PGAP1: variants seen among roughly 807,000 people sequenced by gnomAD.
PGAP1 encodes the protein GPI inositol-deacylase.
PGAP1 carries 76 observed loss-of-function variants against 127.0 expected under a neutral mutation model. The observed-to-expected ratio is 0.60, with a 90% CI of 0.50 to 0.72. PGAP1 has a LOEUF of 0.72. PGAP1 is among the 30% of genes least tolerant of loss of function. The pLI is 0.00. For missense variants in PGAP1, 982 were observed against 1,071.3 expected, an observed-to-expected ratio of 0.92 and a Z score of 1.16; for synonymous variants, 362 against 366.5, an observed-to-expected ratio of 0.99 and a Z score of 0.14.
chr2:196,887,480 C>T (rs1320479022), intron 10 of PGAP1, among the ~76,000 whole-genome samples: 2 of 152,188 alleles, frequency 1.3e-5, no homozygotes, highest in Admixed American at 1.3e-4. Flanking sequence ...GAGCAATGTT[C>T]TGAGATATGA....
chr2:196,890,857 T>TGTA lies in PGAP1; in HGVS notation c.1141_1143dup (p.Tyr381dup). ...ATAGTGCTCTGACAATAGACATGAGTGTAGATTTTTCTATGATTTTCAAGA... is the reference window on the plus strand; with the variant it reads ...ATAGTGCTCTGACAATAGACATGAGTGTAGTAGATTTTTCTATGATTTTCAAGA... On this transcript the variant is annotated inframe_insertion, in exon 10 of 27. Transcript: ENST00000354764. 6.4e-7 allele frequency: 1 copy of TGTA among 1,552,128 alleles called. No individual in the cohort carries two copies. Among genetic ancestry groups the TGTA allele is most frequent in the Non-Finnish European group, 8.9e-7 (1 of 1,124,150 alleles).
At chr2:196,841,398 T>C (rs1700409274) in intron 26 of PGAP1, 26 bp from the exon 27 acceptor site, 2 of 1,588,430 alleles carry the variant, frequency 1.3e-6, no homozygotes, top group Non-Finnish European at 1.7e-6. Flanking sequence ...GAAATATACA[T>C]TACTTATGTG....
At chr2:196,854,960 CTTTTTT>C (rs1204441230) in intron 20 of PGAP1, among the ~76,000 whole-genome samples, 1 of 143,870 alleles carries the variant, frequency 7.0e-6, no homozygotes, top group Non-Finnish European at 1.5e-5. Context: ...TCTTTTTAAA[CTTTTTT>C]TTTTTTTTGT....
In PGAP1 at chr2:196,885,446, G is replaced by C. The variant is rs1701866619; in HGVS notation, c.1250C>G (p.Ala417Gly). 2 of 1,603,434 alleles carry C rather than the reference G, an allele frequency of 1.2e-6. No individual in the cohort carries two copies. The highest frequency in any genetic ancestry group is 1.7e-6 in the Non-Finnish European group (2 of 1,174,614). Residue 417 changes from alanine (A) to glycine (G), a missense_variant, in exon 12 of 27, where the codon GCT becomes GGT. Physicochemically the swap from Ala to Gly is moderately conservative, Grantham distance 60 (BLOSUM62 0). Coordinates refer to ENST00000354764, the MANE Select transcript of PGAP1 (RefSeq NM_024989.4). ...TACCTTAATTGTTGGCAGCAGTTCA[G>C]CTTTCCATGATAAATCAACCCCTTG... Reference protein sequence around the residue: ...CLQGVDLSWKAELLPTIKYLT... With the variant: ...CLQGVDLSWKGELLPTIKYLT...
chr2:196,848,146 G>GACCCTTACTT, intron 20 of PGAP1, 109 bp from the exon 21 acceptor site: 1 of 583,596 alleles, frequency 1.7e-6, no homozygotes, highest in Non-Finnish European at 2.8e-6. Context: ...GAAAGTAAGG[G>GACCCTTACTT]TCTTCATTAC....
chr2:196,879,417 A>T (rs1008717596), intron 13 of PGAP1, among the ~76,000 whole-genome samples: 5 of 152,138 alleles, frequency 3.3e-5, no homozygotes, highest in Non-Finnish European at 7.4e-5. Context: ...CTTGTCAGCC[A>T]GGCGCGGTGG....
At chr2:196,844,096 A>C in intron 24 of PGAP1, 21 bp from the exon 25 acceptor site, 5 of 1,432,032 alleles carry the variant, frequency 3.5e-6, no homozygotes, top group Non-Finnish European at 4.7e-6. Context: ...ATAAAGTAGA[A>C]ATATCAAGAC....
chr2:196,897,281 TG>T (rs1702313738), intron 6 of PGAP1, 84 bp from the exon 7 acceptor site: 1 of 790,776 alleles, frequency 1.3e-6, no homozygotes, highest in Admixed American at 3.4e-5. Context: ...TATTGTTTAG[TG>T]GAACATTTGA....
intron 10 of PGAP1, among the ~76,000 whole-genome samples, chr2:196,886,733 C>T (rs1042663226): frequency 7.2e-5 from 11 of 151,932 alleles, no homozygotes; most frequent in African/African-American, 2.4e-4. Context: ...GAGTCTTGCT[C>T]TGTCACCAGG....
intron 1 of PGAP1, among the ~76,000 whole-genome samples, chr2:196,921,888 C>G (rs1476162238): frequency 6.6e-6 from 1 of 151,874 alleles, no homozygotes; most frequent in African/African-American, 2.4e-5. Context: ...AGGCAGAGTT[C>G]AAGTTGAAAG....
At chr2:196,846,873 C>A in intron 22 of PGAP1, 130 bp downstream of exon 22, 2 of 706,936 alleles carry the variant, frequency 2.8e-6, no homozygotes, top group Non-Finnish European at 4.6e-6. Context: ...GAACACTAAC[C>A]CATACTTTCG....
chr2:196,843,105 C>A (rs1700460626), intron 25 of PGAP1, among the ~76,000 whole-genome samples: 1 of 151,836 alleles, frequency 6.6e-6, no homozygotes, highest in African/African-American at 2.4e-5. Context: ...TTTAAAACGG[C>A]ATAAAGTTTA....
intron 1 of PGAP1, chr2:196,922,577 GACACACACACACAC>G (rs59881211): frequency 4.4e-5 from 17 of 388,322 alleles, no homozygotes; most frequent in African/African-American, 1.5e-4. Context: ...CACACACACA[GACACACACACACAC>G]ACACACACAC....
rs149424856 is a variant in PGAP1, at chr2:196,845,984, T to C, written c.2184A>G (p.Ile728Met). 30 of 1,602,432 alleles carry C rather than the reference T, an allele frequency of 1.9e-5. No individual in the cohort carries two copies. The African/African-American group carries it at 4.0e-4, about 21-fold the overall frequency. ...PSELPKDIKM[I>M]SPDLPFLTIV... ...TTGTCAAAAAGGGCAAGTCTGGTGA[T>C]ATCATCTTGATATCTTTAGGAAGTT... Residue 728 changes from isoleucine to methionine, a missense_variant, in exon 23 of 27, where the codon ATA becomes ATG. By Grantham distance (10) the Ile-to-Met change is conservative. Transcript: ENST00000354764.
At chr2:196,898,517 A>G (rs1441071172) in intron 5 of PGAP1, 148 bp from the exon 6 acceptor site, 5 of 543,492 alleles carry the variant, frequency 9.2e-6, no homozygotes, top group Non-Finnish European at 9.8e-6. Flanking sequence ...TATTCTTATA[A>G]AAGGTGATCC....
rs1421659894 is a variant in PGAP1, at chr2:196,885,347, AAG to A, written c.1272+75_1272+76del. 2.6e-5 allele frequency: 24 copies of A among 935,142 alleles called. No individual in the cohort carries two copies. In the African/African-American group the frequency reaches 3.8e-4, roughly 15 times the overall value. 57.9% of individuals were successfully genotyped at this position (935,142 alleles called of 1,614,324 possible). ...ATTTAATACCAAGATAAGCTAATGA[AAG>A]AGAATATTTTAAAATGTGTATAGAC... On this transcript the variant is annotated intron_variant, in intron 12 of 26. Transcript: ENST00000354764.
intron 10 of PGAP1, among the ~76,000 whole-genome samples, chr2:196,889,762 G>A (rs1462439136): frequency 6.6e-6 from 1 of 151,332 alleles, no homozygotes; most frequent in Non-Finnish European, 1.5e-5. Context: ...TGGAGGCTGA[G>A]GCAGGAGAAT....
intron 4 of PGAP1, among the ~76,000 whole-genome samples, chr2:196,903,126 T>C (rs1443404039): frequency 6.6e-6 from 1 of 152,154 alleles, no homozygotes; most frequent in Non-Finnish European, 1.5e-5. Context: ...GCTAGAGTTG[T>C]AGACATTTGT....
rs1388762916 is a variant in PGAP1, at chr2:196,838,591, C to G, written c.*2643G>C. On this transcript the variant is annotated 3_prime_UTR_variant, in exon 27 of 27. Transcript: ENST00000354764. ...ATATACACATATAATGGCTAAAGAC[C>G]CAACCTACTATTGATTATAAAATGT... is the stretch of plus-strand genomic sequence containing the variant. 1 of 152,028 alleles carries G rather than the reference C, an allele frequency of 6.6e-6. No individual in the cohort carries two copies. The highest frequency in any genetic ancestry group is 1.5e-5 in the Non-Finnish European group (1 of 68,014). The allele number at this position is 152,028 out of a possible 1,614,324, so 9.4% of individuals were successfully genotyped here.
Sources: gnomAD v4.1 joint callset for allele counts (sites outside exome capture counted in the v4.1 genomes callset) on GRCh38, gnomAD v4.1.1 for gene constraint, MANE v1.5 for transcripts, NCBI Gene and HGNC (gene_info 2026-07-23, HGNC 2026-07-21) for gene names.